Variants in ARB2A observed in about 807,000 individuals in gnomAD.
The protein encoded by ARB2A is cotranscriptional regulator ARB2A.
chr5:93,796,136 G>A, the ARB2A span, among the ~76,000 whole-genome samples: 3 of 152,124 alleles, frequency 2.0e-5, no homozygotes, highest in East Asian at 1.9e-4. Flanking sequence ...GTAACAAGAC[G>A]GCTTTTCAAA....
At chr5:93,647,244 G>A in the ARB2A span, among the ~76,000 whole-genome samples, 3 of 151,552 alleles carry the variant, frequency 2.0e-5, no homozygotes, top group South Asian at 2.1e-4. Context: ...CTTCCCCCCC[G>A]AGACGGAGTC....
At chr5:94,047,006 T>C in the ARB2A span, among the ~76,000 whole-genome samples, 5 of 152,044 alleles carry the variant, frequency 3.3e-5, no homozygotes. Context: ...AAACATGACA[T>C]AAGAAGCATG....
At chr5:93,727,367 C>A in the ARB2A span, among the ~76,000 whole-genome samples, 5 of 152,086 alleles carry the variant, frequency 3.3e-5, no homozygotes, top group African/African-American at 1.2e-4. Flanking sequence ...AATATTTAAA[C>A]TACAACATGT....
the ARB2A span, among the ~76,000 whole-genome samples, chr5:93,634,399 A>AAAAAAAC: frequency 3.4e-4 from 52 of 151,802 alleles, no homozygotes; most frequent in South Asian, 4.0e-3. Flanking sequence ...ACTGTCTCAA[A>AAAAAAAC]AAAAAACAAA....
the ARB2A span, among the ~76,000 whole-genome samples, chr5:94,073,290 C>A: frequency 1.1e-4 from 17 of 152,074 alleles, no homozygotes; most frequent in African/African-American, 3.9e-4. Context: ...ACCCTTACAC[C>A]CCCATTTGTA....
At chr5:93,768,356 A>C in the ARB2A span, among the ~76,000 whole-genome samples, 6 of 151,904 alleles carry the variant, frequency 3.9e-5, no homozygotes, top group South Asian at 2.1e-4. Context: ...GGAAAAAAAA[A>C]CAGAATTGGT....
the ARB2A span, among the ~76,000 whole-genome samples, chr5:94,029,883 A>T: frequency 6.6e-6 from 1 of 152,216 alleles, no homozygotes; most frequent in Admixed American, 6.5e-5. Flanking sequence ...CCAAGACTGG[A>T]TACTTTATAA....
At chr5:94,060,562 T>C in the ARB2A span, among the ~76,000 whole-genome samples, 1 of 152,216 alleles carries the variant, frequency 6.6e-6, no homozygotes, top group Non-Finnish European at 1.5e-5. Flanking sequence ...AAAGGTTCAC[T>C]GGAGAAATCT....
At chr5:94,033,853 T>C in the ARB2A span, among the ~76,000 whole-genome samples, 1 of 152,246 alleles carries the variant, frequency 6.6e-6, no homozygotes, top group African/African-American at 2.4e-5. Context: ...GAAATAGTAT[T>C]GGGAAGTGGT....
the ARB2A span, among the ~76,000 whole-genome samples, chr5:94,060,577 A>G: frequency 6.6e-6 from 1 of 152,198 alleles, no homozygotes; most frequent in African/African-American, 2.4e-5. Context: ...AAATCTCCAA[A>G]ATACTTAAAA....
the ARB2A span, among the ~76,000 whole-genome samples, chr5:93,967,670 T>A: frequency 6.6e-6 from 1 of 152,158 alleles, no homozygotes; most frequent in Non-Finnish European, 1.5e-5. Context: ...CTATGAAGAC[T>A]ACATAAAAAC....
chr5:93,823,868 T>G, the ARB2A span, among the ~76,000 whole-genome samples: 1 of 152,042 alleles, frequency 6.6e-6, no homozygotes, highest in Admixed American at 6.6e-5. Flanking sequence ...GGCAGGAGAA[T>G]AGCCTGAACC....
chr5:93,835,780 A>G, the ARB2A span, among the ~76,000 whole-genome samples: 1 of 152,188 alleles, frequency 6.6e-6, no homozygotes, highest in Non-Finnish European at 1.5e-5. Flanking sequence ...TAGTATTGCC[A>G]TTGATTTGCT....
the ARB2A span, among the ~76,000 whole-genome samples, chr5:94,012,397 A>G: frequency 3.3e-5 from 5 of 152,174 alleles, no homozygotes; most frequent in African/African-American, 9.6e-5. Context: ...GCGAGACTCC[A>G]TCTCAAAACA....
chr5:93,681,081 CAAG>C, the ARB2A span, among the ~76,000 whole-genome samples: 6 of 151,974 alleles, frequency 3.9e-5, no homozygotes, highest in East Asian at 5.8e-4. Context: ...AGTGTATCTC[CAAG>C]AAGAAGATTT....
At chr5:93,780,392 C>A in the ARB2A span, among the ~76,000 whole-genome samples, 2 of 152,204 alleles carry the variant, frequency 1.3e-5, no homozygotes, top group Non-Finnish European at 2.9e-5. Context: ...GAGCTGCCTT[C>A]ATTTACCTTT....
chr5:93,679,946 T>C, the ARB2A span, among the ~76,000 whole-genome samples: 1 of 152,108 alleles, frequency 6.6e-6, no homozygotes, highest in African/African-American at 2.4e-5. Flanking sequence ...ATAGAGATTC[T>C]ACACTTTCAA....
At chr5:93,878,358 G>T in the ARB2A span, among the ~76,000 whole-genome samples, 4 of 152,038 alleles carry the variant, frequency 2.6e-5, no homozygotes, top group African/African-American at 7.2e-5. Context: ...GAGCAAAACA[G>T]ACTAAGTACA....
chr5:93,945,079 CA>C, the ARB2A span, among the ~76,000 whole-genome samples: 2 of 152,074 alleles, frequency 1.3e-5, no homozygotes, highest in African/African-American at 2.4e-5. Flanking sequence ...ACCAGAAAAC[CA>C]AAAACCAGGT....
Sources: gnomAD v4.1 joint callset for allele counts (sites outside exome capture counted in the v4.1 genomes callset) on GRCh38, gnomAD v4.1.1 for gene constraint, MANE v1.5 for transcripts, NCBI Gene and HGNC (gene_info 2026-07-23, HGNC 2026-07-21) for gene names.